GABRA1: variants seen among roughly 807,000 people sequenced by gnomAD.
GABRA1 encodes the protein gamma-aminobutyric acid receptor subunit alpha-1.
Under a neutral mutation model 48.9 loss-of-function variants are expected in GABRA1, and 9 were observed. The observed-to-expected ratio is 0.18, with a 90% CI of 0.11 to 0.32. The LOEUF (loss-of-function observed/expected upper bound fraction) is 0.32, where lower values mean the gene tolerates loss of function less well. Among genes scored for constraint, GABRA1 ranks in the 10% least tolerant of loss-of-function variants. GABRA1 has a pLI of 1.00. For synonymous variants in GABRA1, 210 were observed against 198.7 expected (o/e 1.06, Z -0.48); for missense variants, 285 against 553.8 (o/e 0.51, Z 4.87).
At chr5:161,890,842 G>A (rs770316203) in intron 7 of GABRA1, 56 bp from the exon 8 acceptor site, 12 of 1,522,286 alleles carry the variant, frequency 7.9e-6, no homozygotes. Flanking sequence ...AAACCTCAGA[G>A]ATTACCTTTT....
chr5:161,890,359 A>G (rs1208956784), intron 7 of GABRA1, among the ~76,000 whole-genome samples: 3 of 152,188 alleles, frequency 2.0e-5, no homozygotes, highest in African/African-American at 7.2e-5. Context: ...AAAAGATTCT[A>G]GCCCACTCTC....
chr5:161,874,897 C>T (rs919037256), intron 5 of GABRA1, among the ~76,000 whole-genome samples: 1 of 151,482 alleles, frequency 6.6e-6, no homozygotes, highest in Non-Finnish European at 1.5e-5. Context: ...AAAAACAAAA[C>T]AAAACAAGAA....
intron 4 of GABRA1, among the ~76,000 whole-genome samples, chr5:161,867,842 A>G (rs1246039096): frequency 6.6e-6 from 1 of 151,844 alleles, no homozygotes; most frequent in South Asian, 2.1e-4. Flanking sequence ...ACTATAAAAT[A>G]CCTTTTAGCT....
chr5:161,890,145 T>G (rs1755024827), intron 7 of GABRA1, among the ~76,000 whole-genome samples: 1 of 152,050 alleles, frequency 6.6e-6, no homozygotes, highest in Non-Finnish European at 1.5e-5. Flanking sequence ...AGTCAGAATT[T>G]GAAGTGTTTA....
At chr5:161,853,658 C>T (rs1757536245) in intron 2 of GABRA1, 1 of 151,998 alleles carries the variant, frequency 6.6e-6, no homozygotes, top group Admixed American at 6.6e-5. Flanking sequence ...ACCTAAATCT[C>T]TTAAAAGAAC....
At chr5:161,880,601 C>G (rs986191838) in intron 6 of GABRA1, among the ~76,000 whole-genome samples, 1 of 152,146 alleles carries the variant, frequency 6.6e-6, no homozygotes, top group Admixed American at 6.5e-5. Flanking sequence ...TTAGTTCATT[C>G]TCTTAAACTT....
At chr5:161,860,704 G>A (rs1355138463) in intron 3 of GABRA1, among the ~76,000 whole-genome samples, 1 of 150,752 alleles carries the variant, frequency 6.6e-6, no homozygotes, top group Non-Finnish European at 1.5e-5. Flanking sequence ...TCTATGATGT[G>A]ATTATGATGC....
intron 3 of GABRA1, among the ~76,000 whole-genome samples, chr5:161,857,193 G>T (rs936462919): frequency 6.6e-6 from 1 of 151,276 alleles, no homozygotes; most frequent in African/African-American, 2.4e-5. Flanking sequence ...CAACATAAAG[G>T]TGCCCACTGT....
intron 4 of GABRA1, among the ~76,000 whole-genome samples, chr5:161,868,259 C>T (rs927663682): frequency 6.6e-6 from 1 of 152,004 alleles, no homozygotes; most frequent in Non-Finnish European, 1.5e-5. Context: ...CCAGATTAAC[C>T]CACCCAGTCA....
At position 161,898,948 on chromosome 5, in the gene GABRA1, A is replaced by T. The variant is rs540638714; in HGVS notation, c.*1526A>T. The T allele has an allele frequency of 6.6e-6, 1 of 152,622 alleles. No homozygotes were observed. Among genetic ancestry groups the T allele is most frequent in the Non-Finnish European group, 1.5e-5 (1 of 67,998 alleles). The allele number at this position is 152,622 out of a possible 1,614,324, so 9.5% of individuals were successfully genotyped here. A position where few individuals can be genotyped will look rare whatever the true frequency, so the allele number is the denominator to read the frequency against. On this transcript the variant is annotated 3_prime_UTR_variant, in exon 10 of 10. Coordinates refer to ENST00000393943, the MANE Select transcript of GABRA1 (RefSeq NM_001127644.2). ...ATACTATGTAAGGGCTTTAAATAAAAGAGGTCCATTAATACTTCCTTATAA... is the reference window on the plus strand; with the variant it reads ...ATACTATGTAAGGGCTTTAAATAAATGAGGTCCATTAATACTTCCTTATAA...
intron 8 of GABRA1, among the ~76,000 whole-genome samples, chr5:161,893,908 G>A (rs1401209762): frequency 6.6e-6 from 1 of 152,114 alleles, no homozygotes; most frequent in Non-Finnish European, 1.5e-5. Flanking sequence ...TCCTATAACA[G>A]GAATTGTATT....
rs946880603 is a variant in GABRA1 at position 161,894,378 on chromosome 5, C to A, written c.857-1288C>A. Among the ~76,000 whole-genome samples the A allele has an allele frequency of 7.2e-5, 11 of 152,238 alleles. No homozygotes were observed. The East Asian group carries it at 2.1e-3, about 29-fold the overall frequency. The stretch of plus-strand genomic sequence containing the variant: ...AATACTGACATGTAAATTCAGGAGC[C>A]TGAATTTACAAGTCATTGCATTTAA... On this transcript the variant is annotated intron_variant, in intron 8 of 9. Transcript: ENST00000393943.
chr5:161,864,565 G>A (rs1045095703), intron 3 of GABRA1, among the ~76,000 whole-genome samples: 5 of 151,888 alleles, frequency 3.3e-5, no homozygotes, highest in Non-Finnish European at 7.4e-5. Context: ...TTTATAAAAG[G>A]TGAATCACCT....
chr5:161,869,880 T>C (rs1754032364), intron 4 of GABRA1, among the ~76,000 whole-genome samples: 1 of 152,206 alleles, frequency 6.6e-6, no homozygotes, highest in Non-Finnish European at 1.5e-5. Context: ...TTGTTTTTAG[T>C]TAACTTGGTT....
At chr5:161,868,555 A>T (rs541211146) in intron 4 of GABRA1, among the ~76,000 whole-genome samples, 1 of 152,148 alleles carries the variant, frequency 6.6e-6, no homozygotes. Context: ...GAGGGCATGC[A>T]ACATTCAAAA....
In GABRA1 at chr5:161,897,568, A is replaced by AC; in HGVS notation, c.*150dup. On this transcript the variant is annotated 3_prime_UTR_variant, in exon 10 of 10. Transcript: ENST00000393943. The stretch of plus-strand genomic sequence containing the variant: ...TTCATAATTCATTTAAGAACAAGAG[A>AC]CCCCTGTCTGGCAGTCTGGAGCAAA... The AC allele has an allele frequency of 1.2e-6, 1 of 816,186 alleles. No homozygotes were observed. Among genetic ancestry groups the AC allele is most frequent in the Non-Finnish European group, 1.9e-6 (1 of 516,624 alleles). The allele number at this position is 816,186 out of a possible 1,614,324, so 50.6% of individuals were successfully genotyped here.
intron 4 of GABRA1, among the ~76,000 whole-genome samples, chr5:161,869,835 C>T (rs1754030121): frequency 6.6e-6 from 1 of 152,108 alleles, no homozygotes; most frequent in South Asian, 2.1e-4. Context: ...TACCTTTGTC[C>T]AACCTCTCTT....
chr5:161,848,505 C>CGGGGGGGGGGGG (rs35469580), intron 1 of GABRA1, 83 bp downstream of exon 1: 3 of 30,700 alleles, frequency 9.8e-5, no homozygotes, highest in South Asian at 1.8e-3. Flanking sequence ...ATGTTATAGT[C>CGGGGGGGGGGGG]GGGGGGGGGG....
At chr5:161,871,773 T>C (rs1005094171) in intron 4 of GABRA1, among the ~76,000 whole-genome samples, 1 of 152,208 alleles carries the variant, frequency 6.6e-6, no homozygotes, top group Non-Finnish European at 1.5e-5. Context: ...GTAACTTGTC[T>C]TGTCTACAAA....
Sources: allele counts gnomAD v4.1 joint callset (sites outside exome capture counted in the v4.1 genomes callset), GRCh38; gene constraint gnomAD v4.1.1; transcripts MANE v1.5; gene names NCBI Gene and HGNC (gene_info 2026-07-23, HGNC 2026-07-21).